The following CADPS variants were observed in gnomAD, a reference collection of about 807,000 sequenced individuals.
CADPS encodes calcium dependent secretion activator.
In CADPS, 57 loss-of-function variants were observed where a neutral mutation model predicts 167.3. The observed-to-expected ratio is 0.34, with a 90% confidence interval of 0.28 to 0.42. The LOEUF (loss-of-function observed/expected upper bound fraction) is 0.42. Among genes scored for constraint, CADPS ranks in the 20% least tolerant of loss-of-function variants. CADPS has a pLI of 1.00. For missense variants in CADPS, 1,414 were observed against 1,738.1 expected, an observed-to-expected ratio of 0.81 and a Z score of 3.32; for synonymous variants, 676 against 635.3, an observed-to-expected ratio of 1.06 and a Z score of -0.96.
At chr3:62,402,122 G>A (rs192292852) in intron 29 of CADPS, among the ~76,000 whole-genome samples, 1 of 150,300 alleles carries the variant, frequency 6.7e-6, no homozygotes, top group East Asian at 2.0e-4. Context: ...GAGATCAAAT[G>A]CAGATAATAA....
At chr3:62,644,913 T>C (rs1000111853) in intron 6 of CADPS, among the ~76,000 whole-genome samples, 1 of 152,154 alleles carries the variant, frequency 6.6e-6, no homozygotes, top group African/African-American at 2.4e-5. Context: ...TGCCATTACT[T>C]TCTGATGTCC....
intron 23 of CADPS, among the ~76,000 whole-genome samples, chr3:62,475,877 G>C (rs2061259369): frequency 6.6e-6 from 1 of 152,174 alleles, no homozygotes; most frequent in Middle Eastern, 3.2e-3. Context: ...ATGCTAAATT[G>C]CTCCCTTCCA....
At position 62,483,340 on chromosome 3, in the gene CADPS, G is replaced by T. The variant is rs1235890578; in HGVS notation, c.3027-1471C>A. Among the ~76,000 whole-genome samples, 9 of 132,484 alleles carry T rather than the reference G, an allele frequency of 6.8e-5. No homozygotes were observed. The East Asian group carries it at 2.0e-3, about 30-fold the overall frequency. The allele number at this position is 132,484 out of a possible 152,430, so 86.9% of individuals were successfully genotyped here. ...TAGGGGAGTAGGGGAGTGGGGGAGT[G>T]GGGGAGTTAGGGAAGGGGGAAGTTA... On this transcript the variant is annotated intron_variant, in intron 21 of 29. Transcript: ENST00000383710.
At chr3:62,617,825 A>G (rs1299864693) in intron 6 of CADPS, among the ~76,000 whole-genome samples, 2 of 152,100 alleles carry the variant, frequency 1.3e-5, no homozygotes, top group East Asian at 3.9e-4. Flanking sequence ...GAACTATGTG[A>G]GGGTAGGCAG....
chr3:62,672,977 A>T (rs1160638478), intron 3 of CADPS, among the ~76,000 whole-genome samples: 1 of 152,160 alleles, frequency 6.6e-6, no homozygotes, highest in African/African-American at 2.4e-5. Flanking sequence ...CAATATTGCT[A>T]CCTTAGGGGC....
intron 23 of CADPS, among the ~76,000 whole-genome samples, chr3:62,477,223 C>G (rs559177576): frequency 1.3e-5 from 2 of 152,062 alleles, no homozygotes; most frequent in Admixed American, 6.5e-5. Context: ...AACTTCCAGA[C>G]AAACCCGGCC....
chr3:62,577,280 T>A (rs75840153), intron 8 of CADPS, among the ~76,000 whole-genome samples: 4,381 of 152,306 alleles, frequency 0.029, 102 homozygotes, highest in South Asian at 0.048. Flanking sequence ...TGGCTCTTTT[T>A]ATTAAATATC....
At position 62,712,913 on chromosome 3, in the gene CADPS, ACTGAAGG is replaced by A. The variant is rs1455136992; in HGVS notation, c.888+40521_888+40527del. 2.0e-5 allele frequency among the ~76,000 whole-genome samples: 3 copies of A among 152,288 alleles called. No individual in the cohort carries two copies. In the East Asian group the frequency reaches 5.8e-4, roughly 29 times the overall value. ...GGAGGAACAGGCCAGAAAGGTTAAG[ACTGAAGG>A]CCATATAGTTAATGGATGCAAATGA... On this transcript the variant is annotated intron_variant, in intron 3 of 29. Transcript: ENST00000383710.
chr3:62,698,623 G>C (rs11709333), intron 3 of CADPS, among the ~76,000 whole-genome samples: 32,003 of 131,816 alleles, frequency 0.24, 4,615 homozygotes, highest in East Asian at 0.7. Context: ...TCTTATTCTT[G>C]TTCTTGTTCT....
At chr3:62,588,892 G>A (rs2085278150) in intron 7 of CADPS, among the ~76,000 whole-genome samples, 2 of 152,050 alleles carry the variant, frequency 1.3e-5, no homozygotes, top group Admixed American at 6.6e-5. Context: ...TTAAAAGAGG[G>A]GGAATATATA....
At chr3:62,646,263 C>A (rs963029210) in intron 5 of CADPS, among the ~76,000 whole-genome samples, 4 of 149,758 alleles carry the variant, frequency 2.7e-5, no homozygotes. Context: ...CTCCCTGGTT[C>A]AAGCAATTCT....
chr3:62,795,252 C>T (rs954425980), intron 1 of CADPS, among the ~76,000 whole-genome samples: 2 of 150,550 alleles, frequency 1.3e-5, no homozygotes, highest in African/African-American at 2.5e-5. Context: ...TTGAAATCAC[C>T]ATCTCTAAGA....
rs187338754 is a variant in CADPS, at chr3:62,768,351, C to T, written c.442-2367G>A. The stretch of plus-strand genomic sequence containing the variant: ...TAAAACAGTGTGAATACCAGCTTTG[C>T]GTGATTTTGGGAGTGGGGTGGGATG... On this transcript the variant is annotated intron_variant, in intron 1 of 29. Transcript: ENST00000383710. Among the ~76,000 whole-genome samples, 419 of 152,100 alleles carry T rather than the reference C, an allele frequency of 2.8e-3. 3 individuals carry two copies. The highest frequency in any genetic ancestry group is 3.2e-3 in the Non-Finnish European group (217 of 67,980).
intron 13 of CADPS, among the ~76,000 whole-genome samples, chr3:62,529,999 T>C (rs1053147910): frequency 1.4e-4 from 21 of 152,104 alleles, no homozygotes; most frequent in Non-Finnish European, 3.1e-4. Context: ...AGTTCACCAA[T>C]TCGCCAATTT....
At chr3:62,506,562 G>A (rs2066726424) in intron 17 of CADPS, among the ~76,000 whole-genome samples, 1 of 152,202 alleles carries the variant, frequency 6.6e-6, no homozygotes, top group African/African-American at 2.4e-5. Flanking sequence ...TTGCATATAA[G>A]AAAAGTGAGC....
intron 6 of CADPS, 78 bp from the exon 7 acceptor site, chr3:62,592,826 G>A: frequency 9.7e-7 from 1 of 1,032,800 alleles, no homozygotes; most frequent in South Asian, 1.5e-5. Context: ...TCCCAGGTCA[G>A]GTGAATGCAG....
intron 1 of CADPS, among the ~76,000 whole-genome samples, chr3:62,869,305 C>G (rs962851526): frequency 6.6e-6 from 1 of 151,996 alleles, no homozygotes; most frequent in Non-Finnish European, 1.5e-5. Context: ...CACTTCTGTA[C>G]CAGTCTCTTC....
chr3:62,487,482 G>A (rs775948955), intron 21 of CADPS, among the ~76,000 whole-genome samples: 1 of 152,180 alleles, frequency 6.6e-6, no homozygotes, highest in Non-Finnish European at 1.5e-5. Flanking sequence ...ATGGGCTCCA[G>A]ATTTTATTGA....
intron 3 of CADPS, among the ~76,000 whole-genome samples, chr3:62,733,981 C>G (rs140633586): frequency 1.3e-5 from 2 of 152,216 alleles, no homozygotes; most frequent in Non-Finnish European, 2.9e-5. Flanking sequence ...TTCCGTTTTA[C>G]GGTGAGTAGT....
Sources: gnomAD v4.1 joint callset for allele counts (sites outside exome capture counted in the v4.1 genomes callset) on GRCh38, gnomAD v4.1.1 for gene constraint, MANE v1.5 for transcripts, NCBI Gene and HGNC (gene_info 2026-07-23, HGNC 2026-07-21) for gene names.